WWP2: variants seen among roughly 807,000 people sequenced by gnomAD.
The protein encoded by WWP2 is WW domain containing E3 ubiquitin protein ligase 2.
A neutral mutation model predicts 121.0 loss-of-function variants in WWP2; 57 were observed. The observed-to-expected ratio is 0.47, with a 90% CI of 0.38 to 0.59. WWP2 has a LOEUF of 0.59. Ranked by LOEUF, WWP2 falls within the 20% of genes least tolerant of loss-of-function variation. The probability of loss-of-function intolerance (pLI) is 0.00; values close to 1 mark genes in which losing one functional copy is unlikely to be tolerated. For synonymous variants in WWP2, 449 were observed against 441.3 expected (o/e 1.02, Z -0.22); for missense variants, 962 against 1,158.9 (o/e 0.83, Z 2.47).
At chr16:69,858,983 G>T (rs1246536452) in intron 6 of WWP2, among the ~76,000 whole-genome samples, 1 of 152,184 alleles carries the variant, frequency 6.6e-6, no homozygotes, top group East Asian at 1.9e-4. Context: ...CAAGAACTGG[G>T]TCAAGGCTGT....
At chr16:69,927,571 A>G (rs1185116913) in intron 11 of WWP2, among the ~76,000 whole-genome samples, 2 of 152,244 alleles carry the variant, frequency 1.3e-5, no homozygotes, top group Non-Finnish European at 2.9e-5. Flanking sequence ...TCCACACAGC[A>G]GCAGTGCCAG....
intron 8 of WWP2, among the ~76,000 whole-genome samples, chr16:69,891,808 C>T (rs1218776035): frequency 2.0e-5 from 3 of 152,182 alleles, no homozygotes; most frequent in Non-Finnish European, 2.9e-5. Context: ...CCATCCCATC[C>T]GGGCTAGAAC....
chr16:69,862,495 AC>A (rs2057440486), intron 6 of WWP2, among the ~76,000 whole-genome samples: 1 of 133,842 alleles, frequency 7.5e-6, no homozygotes, highest in African/African-American at 2.9e-5. Context: ...AGGCAATCCA[AC>A]CACCTCGGCC....
chr16:69,924,979 C>T (rs979962048), intron 10 of WWP2: 19 of 988,786 alleles, frequency 1.9e-5, no homozygotes, highest in East Asian at 1.1e-4. Context: ...GAAAGGCCTG[C>T]GATATTTTTT....
chr16:69,768,127 C>T (rs2038772321), intron 1 of WWP2, among the ~76,000 whole-genome samples: 1 of 152,100 alleles, frequency 6.6e-6, no homozygotes, highest in South Asian at 2.1e-4. Context: ...TGTGAGCCAC[C>T]ACAACTGGCT....
intron 1 of WWP2, among the ~76,000 whole-genome samples, chr16:69,764,090 T>A (rs1271676225): frequency 6.6e-6 from 1 of 152,232 alleles, no homozygotes; most frequent in Non-Finnish European, 1.5e-5. Flanking sequence ...GACTGAGGCT[T>A]AATGAAGTCC....
At chr16:69,804,496 CAT>C (rs1215065581) in intron 4 of WWP2, among the ~76,000 whole-genome samples, 5 of 152,156 alleles carry the variant, frequency 3.3e-5, no homozygotes, top group African/African-American at 9.6e-5. Context: ...ATATTAAAAA[CAT>C]ATGTGTATTT....
intron 2 of WWP2, among the ~76,000 whole-genome samples, chr16:69,791,090 C>T (rs2151800502): frequency 6.6e-6 from 1 of 152,270 alleles, no homozygotes; most frequent in South Asian, 2.1e-4. Flanking sequence ...CTGGGGGCTA[C>T]AGACTTTATT....
rs535257581 is a variant in WWP2, at chr16:69,766,834, A to C, written c.-16+4443A>C. On this transcript the variant is annotated intron_variant, in intron 1 of 23. Transcript: ENST00000359154. ...AATGGTACGATCTTGGCTCACTGCA[A>C]CCTTCACCTCCCAGGTTCAAGTGAC... 4.6e-5 allele frequency among the ~76,000 whole-genome samples: 7 copies of C among 152,178 alleles called. No homozygotes were observed. In the South Asian group the frequency reaches 6.2e-4, roughly 14 times the overall value.
At chr16:69,903,030 A>G (rs1157289867) in intron 8 of WWP2, among the ~76,000 whole-genome samples, 1 of 152,214 alleles carries the variant, frequency 6.6e-6, no homozygotes, top group East Asian at 1.9e-4. Context: ...AAAAAATGAT[A>G]TCAAAAAAGG....
chr16:69,904,352 T>G (rs1442897519), intron 8 of WWP2, among the ~76,000 whole-genome samples: 1 of 151,970 alleles, frequency 6.6e-6, no homozygotes, highest in African/African-American at 2.4e-5. Context: ...GGAGAAGATC[T>G]TTAACTATAC....
At chr16:69,894,446 G>A (rs1415479607) in intron 8 of WWP2, among the ~76,000 whole-genome samples, 1 of 152,136 alleles carries the variant, frequency 6.6e-6, no homozygotes, top group East Asian at 1.9e-4. Context: ...ACGTCTGCAC[G>A]TTTTAAGAAC....
At chr16:69,793,882 C>A (rs953274790) in intron 2 of WWP2, among the ~76,000 whole-genome samples, 1 of 115,984 alleles carries the variant, frequency 8.6e-6, no homozygotes, top group Non-Finnish European at 1.8e-5. Flanking sequence ...AAGGTGGTTT[C>A]GTTTTGGGAA....
At chr16:69,922,425 C>T (rs943509999) in intron 10 of WWP2, among the ~76,000 whole-genome samples, 3 of 152,222 alleles carry the variant, frequency 2.0e-5, no homozygotes, top group African/African-American at 4.8e-5. Flanking sequence ...CTCTCTGGCT[C>T]ATGGCCTGCA....
At chr16:69,904,164 G>A (rs985075226) in intron 8 of WWP2, among the ~76,000 whole-genome samples, 1 of 152,178 alleles carries the variant, frequency 6.6e-6, no homozygotes, top group African/African-American at 2.4e-5. Flanking sequence ...GAGGGTATCA[G>A]ATTTGCTCCT....
chr16:69,936,813 C>T (rs1388208387), intron 19 of WWP2: 1 of 473,656 alleles, frequency 2.1e-6, no homozygotes, highest in African/African-American at 1.9e-5. Context: ...TTCTCCGTGC[C>T]TGTTCCTCAG....
intron 2 of WWP2, among the ~76,000 whole-genome samples, chr16:69,793,900 T>C (rs1319335421): frequency 1.3e-5 from 2 of 150,722 alleles, no homozygotes; most frequent in Admixed American, 6.7e-5. Context: ...GAAGGGCTGT[T>C]ATTATCCTTG....
intron 7 of WWP2, among the ~76,000 whole-genome samples, chr16:69,878,372 C>T (rs372123218): frequency 6.6e-6 from 1 of 152,176 alleles, no homozygotes. Context: ...TGTAAAAAAT[C>T]ACATAGTGCA....
At chr16:69,871,523 T>C (rs1353975496) in intron 6 of WWP2, among the ~76,000 whole-genome samples, 1 of 152,206 alleles carries the variant, frequency 6.6e-6, no homozygotes, top group Non-Finnish European at 1.5e-5. Flanking sequence ...CACAGGATAT[T>C]TTGCCAATTA....
Sources: allele counts gnomAD v4.1 joint callset (sites outside exome capture counted in the v4.1 genomes callset), GRCh38; gene constraint gnomAD v4.1.1; transcripts MANE v1.5; gene names NCBI Gene and HGNC (gene_info 2026-07-23, HGNC 2026-07-21).